Variants in GRID1 observed in about 807,000 individuals in gnomAD.
The protein encoded by GRID1 is glutamate receptor ionotropic, delta-1.
A neutral mutation model predicts 98.0 loss-of-function variants in GRID1; 28 were observed. That is an observed-to-expected ratio of 0.29 (90% CI 0.21 to 0.39). The LOEUF (loss-of-function observed/expected upper bound fraction) is 0.39, where lower values mean the gene tolerates loss of function less well. Ranked by LOEUF, GRID1 falls within the 10% of genes least tolerant of loss-of-function variation. The probability of loss-of-function intolerance (pLI) is 1.00; values close to 1 mark genes in which losing one functional copy is unlikely to be tolerated. For synonymous variants in GRID1, 553 were observed against 538.5 expected (o/e 1.03, Z -0.37); for missense variants, 1,111 against 1,340.5 (o/e 0.83, Z 2.67).
At chr10:86,341,966 A>G (rs563451815) in intron 2 of GRID1, among the ~76,000 whole-genome samples, 1 of 152,256 alleles carries the variant, frequency 6.6e-6, no homozygotes, top group East Asian at 1.9e-4. Flanking sequence ...CACTAATTCT[A>G]GAAGTTCTAT....
chr10:86,205,373 GGTA>G (rs1180924344), intron 3 of GRID1, among the ~76,000 whole-genome samples: 1 of 152,198 alleles, frequency 6.6e-6, no homozygotes, highest in Non-Finnish European at 1.5e-5. Flanking sequence ...GCTATAAAGA[GGTA>G]GCACAGGGAT....
intron 2 of GRID1, among the ~76,000 whole-genome samples, chr10:86,324,022 T>C (rs1589449448): frequency 1.3e-5 from 2 of 152,100 alleles, no homozygotes; most frequent in East Asian, 3.9e-4. Flanking sequence ...CTACTAAAAT[T>C]ACAAAAATTA....
intron 4 of GRID1, among the ~76,000 whole-genome samples, chr10:85,935,548 T>C (rs1454866927): frequency 6.6e-6 from 1 of 152,150 alleles, no homozygotes; most frequent in Non-Finnish European, 1.5e-5. Flanking sequence ...ATAACAAGTA[T>C]CTGTGTGCCA....
intron 6 of GRID1, among the ~76,000 whole-genome samples, chr10:85,861,342 A>T (rs955180992): frequency 6.6e-6 from 1 of 152,166 alleles, no homozygotes; most frequent in South Asian, 2.1e-4. Context: ...ACCCGTGTAC[A>T]TGTCCCTGGC....
At chr10:86,122,269 T>C (rs551268219) in intron 4 of GRID1, among the ~76,000 whole-genome samples, 61 of 152,200 alleles carry the variant, frequency 4.0e-4, no homozygotes, top group Non-Finnish European at 8.1e-4. Flanking sequence ...CCCTGCTCTT[T>C]CTGCTGGCCC....
intron 3 of GRID1, among the ~76,000 whole-genome samples, chr10:86,184,217 A>C (rs567437651): frequency 1.1e-4 from 17 of 152,290 alleles, no homozygotes; most frequent in Admixed American, 6.5e-4. Context: ...TATCCTCTTC[A>C]CAGAATCTTT....
chr10:86,213,676 C>A (rs1305528670), intron 2 of GRID1, among the ~76,000 whole-genome samples: 1 of 152,138 alleles, frequency 6.6e-6, no homozygotes, highest in African/African-American at 2.4e-5. Flanking sequence ...GAACACTAAG[C>A]CCGGCCCTAT....
chr10:85,611,336 G>A (rs934789590), intron 15 of GRID1, among the ~76,000 whole-genome samples: 2 of 152,164 alleles, frequency 1.3e-5, no homozygotes, highest in African/African-American at 4.8e-5. Context: ...CCCATCCAAA[G>A]GACAAGCTCT....
intron 15 of GRID1, among the ~76,000 whole-genome samples, chr10:85,608,255 T>A (rs1842695087): frequency 2.0e-5 from 3 of 152,318 alleles, no homozygotes. Flanking sequence ...GTGGTTTTCA[T>A]CCTTGGCTGG....
intron 13 of GRID1, among the ~76,000 whole-genome samples, chr10:85,622,372 A>G (rs1171545885): frequency 6.6e-6 from 1 of 152,202 alleles, no homozygotes; most frequent in African/African-American, 2.4e-5. Context: ...GCCTATTTGT[A>G]AACAGGGACT....
At chr10:85,883,419 A>G (rs1206644797) in intron 5 of GRID1, among the ~76,000 whole-genome samples, 2 of 151,684 alleles carry the variant, frequency 1.3e-5, no homozygotes, top group South Asian at 4.2e-4. Context: ...ATTAAACTGC[A>G]CTTTATTGTT....
intron 6 of GRID1, among the ~76,000 whole-genome samples, chr10:85,861,571 T>C (rs1475774557): frequency 6.6e-6 from 1 of 152,226 alleles, no homozygotes. Context: ...TATAATACCC[T>C]GACTCTGGTT....
intron 8 of GRID1, among the ~76,000 whole-genome samples, chr10:85,774,511 A>G (rs952234628): frequency 1.7e-4 from 26 of 151,204 alleles, no homozygotes; most frequent in African/African-American, 6.0e-4. Flanking sequence ...TGCACAGCAA[A>G]AGAAACTACC....
chr10:85,621,196 T>C (rs1842855526), intron 13 of GRID1, among the ~76,000 whole-genome samples: 1 of 152,212 alleles, frequency 6.6e-6, no homozygotes, highest in Admixed American at 6.5e-5. Flanking sequence ...TTTAATGCTA[T>C]AGTGAGCACA....
chr10:85,844,907 A>C (rs1842992450), intron 8 of GRID1, among the ~76,000 whole-genome samples: 1 of 152,016 alleles, frequency 6.6e-6, no homozygotes, highest in Non-Finnish European at 1.5e-5. Context: ...CATTCTTGAT[A>C]ACACTATTAG....
At chr10:85,801,659 T>C (rs191121976) in intron 8 of GRID1, among the ~76,000 whole-genome samples, 1 of 151,826 alleles carries the variant, frequency 6.6e-6, no homozygotes, top group African/African-American at 2.4e-5. Context: ...TTTATTTTGA[T>C]AAAAGGGATC....
Position 86,272,916 on chromosome 10 carries a change from T to A in GRID1, c.236-66268A>T, listed in dbSNP as rs569761419. ...TTTGTTTGTTTGTTTGTTTTTGTTTTTTATTATTATTATACTTTAAGTTTT... is the reference window on the plus strand; with the variant it reads ...TTTGTTTGTTTGTTTGTTTTTGTTTATTATTATTATTATACTTTAAGTTTT... On this transcript the variant is annotated intron_variant, in intron 2 of 15. Transcript: ENST00000327946. Among the ~76,000 whole-genome samples, 8 of 152,302 alleles carry A rather than the reference T, an allele frequency of 5.3e-5. No individual in the cohort carries two copies. In the South Asian group the frequency reaches 1.0e-3, roughly 20 times the overall value.
chr10:85,821,392 G>A (rs781767996), intron 8 of GRID1, among the ~76,000 whole-genome samples: 26 of 150,908 alleles, frequency 1.7e-4, no homozygotes, highest in Non-Finnish European at 2.8e-4. Context: ...TGGCAGGTGC[G>A]TGTAATCCCA....
At chr10:86,342,434 C>CAT (rs1237061049) in intron 2 of GRID1, among the ~76,000 whole-genome samples, 1 of 152,232 alleles carries the variant, frequency 6.6e-6, no homozygotes, top group East Asian at 1.9e-4. Flanking sequence ...TACACACACA[C>CAT]TCCACTATGT....
Sources: gnomAD v4.1 joint callset for allele counts (sites outside exome capture counted in the v4.1 genomes callset) on GRCh38, gnomAD v4.1.1 for gene constraint, MANE v1.5 for transcripts, NCBI Gene and HGNC (gene_info 2026-07-23, HGNC 2026-07-21) for gene names.